Variants in B3GALNT2 observed in about 807,000 individuals in gnomAD.
The protein encoded by B3GALNT2 is beta-1,3-N-acetylgalactosaminyltransferase 2, also known as UDP-GalNAc:beta-1,3-N-acetylgalactosaminyltransferase 2.
Under a neutral mutation model 61.1 loss-of-function variants are expected in B3GALNT2, and 53 were observed. The ratio of observed to expected loss-of-function variants is 0.87; its 90% CI spans 0.70 to 1.09. B3GALNT2 has a LOEUF of 1.09. B3GALNT2 is among the 50% of genes least tolerant of loss of function. The pLI, the probability that B3GALNT2 is intolerant of heterozygous loss-of-function variation, is 0.00. For synonymous variants in B3GALNT2, 223 were observed against 237.4 expected, an observed-to-expected ratio of 0.94 and a Z score of 0.56; for missense variants, 544 against 623.0, an observed-to-expected ratio of 0.87 and a Z score of 1.35.
At chr1:235,503,143 ACACT>A (rs1346015643) in intron 1 of B3GALNT2, among the ~76,000 whole-genome samples, 1 of 152,240 alleles carries the variant, frequency 6.6e-6, no homozygotes, top group African/African-American at 2.4e-5. Context: ...TGAACTGCAA[ACACT>A]CAATTCTAAT....
intron 3 of B3GALNT2, among the ~76,000 whole-genome samples, chr1:235,488,442 G>T (rs1025143794): frequency 1.3e-5 from 2 of 152,022 alleles, no homozygotes; most frequent in Non-Finnish European, 2.9e-5. Flanking sequence ...TCAGCACTTT[G>T]GGAGGCTGAG....
chr1:235,457,045 C>A (rs913848910), intron 8 of B3GALNT2, among the ~76,000 whole-genome samples: 1 of 152,070 alleles, frequency 6.6e-6, no homozygotes, highest in Non-Finnish European at 1.5e-5. Context: ...TGGTGGCTCA[C>A]GCCTATAATC....
intron 4 of B3GALNT2, among the ~76,000 whole-genome samples, chr1:235,481,230 G>C (rs1326877850): frequency 6.6e-6 from 1 of 152,144 alleles, no homozygotes. Context: ...CCTTCCTTGA[G>C]GACAAAGATT....
intron 2 of B3GALNT2, among the ~76,000 whole-genome samples, chr1:235,491,831 T>C (rs766337429): frequency 2.6e-5 from 4 of 152,058 alleles, no homozygotes; most frequent in South Asian, 2.1e-4. Context: ...TTTCTTTATA[T>C]ACACCTCTCT....
chr1:235,441,899 C>A, the B3GALNT2 span: 1 of 1,611,116 alleles, frequency 6.2e-7, no homozygotes. Flanking sequence ...ATCTCAGATT[C>A]AAATAGTTTA....
At chr1:235,461,488 CAG>C (rs1290143138) in intron 7 of B3GALNT2, among the ~76,000 whole-genome samples, 1 of 146,444 alleles carries the variant, frequency 6.8e-6, no homozygotes, top group Non-Finnish European at 1.5e-5. Context: ...TTGAGAAACA[CAG>C]GGGTAGATGA....
At chr1:235,465,612 T>C (rs1683654515) in intron 7 of B3GALNT2, 24 bp downstream of exon 7, 1 of 1,612,706 alleles carries the variant, frequency 6.2e-7, no homozygotes, top group Non-Finnish European at 8.5e-7. Flanking sequence ...AGTGTACTTT[T>C]CAAGTTTCAA....
downstream of B3GALNT2, among the ~76,000 whole-genome samples, chr1:235,446,407 C>A (rs1449717539): frequency 6.6e-6 from 1 of 151,892 alleles, no homozygotes; most frequent in South Asian, 2.1e-4. Context: ...AAACTCCTGA[C>A]CTCAGATGAT....
At chr1:235,480,712 C>G (rs933792860) in intron 4 of B3GALNT2, among the ~76,000 whole-genome samples, 13 of 151,822 alleles carry the variant, frequency 8.6e-5, no homozygotes, top group Admixed American at 5.3e-4. Flanking sequence ...CCAGACCAGC[C>G]TGGCCAACAT....
chr1:235,442,740 G>A (rs1681980799), downstream of B3GALNT2: 4 of 986,520 alleles, frequency 4.1e-6, no homozygotes, highest in South Asian at 4.2e-5. Flanking sequence ...GATTAGACCT[G>A]CCAATTTGCA....
chr1:235,486,490 G>A (rs1298495008), intron 3 of B3GALNT2, among the ~76,000 whole-genome samples: 3 of 152,102 alleles, frequency 2.0e-5, no homozygotes, highest in African/African-American at 7.2e-5. Flanking sequence ...AGGAAATCCC[G>A]TTGCATTACA....
At chr1:235,458,901 T>C (rs1172509051) in intron 7 of B3GALNT2, 115 bp from the exon 8 acceptor site, 1 of 960,482 alleles carries the variant, frequency 1.0e-6, no homozygotes, top group Admixed American at 3.5e-5. Context: ...ACACATGCAG[T>C]TGTTTGGAAC....
rs760987980 is a variant in B3GALNT2, at chr1:235,450,226, A to G, written c.1483T>C (p.Cys495Arg). 4 of 1,614,004 alleles carry G rather than the reference A, an allele frequency of 2.5e-6. No homozygotes were observed. The African/African-American group carries it at 5.3e-5, about 22-fold the overall frequency. The change falls in exon 12 of 12, where the codon TGT (cysteine) becomes CGT (arginine). Residue 495 changes from cysteine (C) to arginine (R), a missense_variant. Coordinates refer to ENST00000366600, the MANE Select transcript of B3GALNT2 (RefSeq NM_152490.5). ...CCCTGTTATCTTGCTTGACATCGAC[A>G]AGGATCACCGCACCGTTCCTTCAGT... ...WKLKERCGDPCRCQAR is the reference protein window; with the variant it reads ...WKLKERCGDPRRCQAR
At chr1:235,455,718 G>T in intron 8 of B3GALNT2, 34 bp from the exon 9 acceptor site, 1 of 1,588,958 alleles carries the variant, frequency 6.3e-7, no homozygotes, top group South Asian at 1.1e-5. Context: ...AAGTCAGTGC[G>T]ACCAAACAAA....
At chr1:235,441,216 T>C in the B3GALNT2 span, 1 of 153,784 alleles carries the variant, frequency 6.5e-6, no homozygotes, top group African/African-American at 2.4e-5. Flanking sequence ...TTTAGAGAAA[T>C]GTTGTCACTG....
At chr1:235,487,788 T>C (rs1684871375) in intron 3 of B3GALNT2, among the ~76,000 whole-genome samples, 1 of 152,182 alleles carries the variant, frequency 6.6e-6, no homozygotes, top group Non-Finnish European at 1.5e-5. Flanking sequence ...CTTTCTTTCG[T>C]TGTCTTTGTT....
chr1:235,486,135 G>T (rs183255825), intron 3 of B3GALNT2, among the ~76,000 whole-genome samples: 1 of 152,240 alleles, frequency 6.6e-6, no homozygotes, highest in Admixed American at 6.5e-5. Flanking sequence ...TAGGTCATTT[G>T]GTTGCCCACG....
chr1:235,474,743 C>A (rs1049788154), intron 5 of B3GALNT2, among the ~76,000 whole-genome samples: 173 of 151,556 alleles, frequency 1.1e-3, no homozygotes, highest in African/African-American at 3.9e-3. Context: ...ATCATTTGAA[C>A]CTGGGAGGTG....
chr1:235,441,454 A>G, the B3GALNT2 span: 1 of 282,316 alleles, frequency 3.5e-6, no homozygotes. Flanking sequence ...AAACATTTGA[A>G]GTATTTGAAG....
Sources: allele counts gnomAD v4.1 joint callset (sites outside exome capture counted in the v4.1 genomes callset), GRCh38; gene constraint gnomAD v4.1.1; transcripts MANE v1.5; gene names NCBI Gene and HGNC (gene_info 2026-07-23, HGNC 2026-07-21).